CMSS1: variants seen among roughly 807,000 people sequenced by gnomAD.
The protein encoded by CMSS1 is cms1 ribosomal small subunit homolog, also known as protein CMSS1.
A neutral mutation model predicts 43.5 loss-of-function variants in CMSS1; 33 were observed. The ratio of observed to expected loss-of-function variants is 0.76; its 90% CI spans 0.57 to 1.01. CMSS1 has a LOEUF of 1.01. CMSS1 is among the 50% of genes least tolerant of loss of function. The pLI is 0.00. For missense variants in CMSS1, 313 were observed against 326.4 expected (o/e 0.96, Z 0.32); for synonymous variants, 115 against 117.2 (o/e 0.98, Z 0.12).
intron 1 of CMSS1, among the ~76,000 whole-genome samples, chr3:100,044,160 C>T (rs1006179850): frequency 6.6e-6 from 1 of 152,292 alleles, no homozygotes; most frequent in African/African-American, 2.4e-5. Context: ...ATCCTGTGAC[C>T]TTGAGCCAGT....
chr3:99,855,769 T>G (rs1203654709), intron 1 of CMSS1, among the ~76,000 whole-genome samples: 3 of 152,226 alleles, frequency 2.0e-5, no homozygotes, highest in African/African-American at 7.2e-5. Flanking sequence ...CAAAAGAATG[T>G]TGAAAAACTA....
intron 1 of CMSS1, among the ~76,000 whole-genome samples, chr3:100,095,418 T>A (rs1355040136): frequency 2.6e-5 from 4 of 152,130 alleles, no homozygotes; most frequent in African/African-American, 9.7e-5. Flanking sequence ...GAATATTTTT[T>A]AAAAACTATT....
In CMSS1 at chr3:100,014,110, A is replaced by G. The variant is rs554758726; in HGVS notation, c.65-132863A>G. On this transcript the variant is annotated intron_variant, in intron 1 of 9. Coordinates refer to ENST00000421999, the MANE Select transcript of CMSS1 (RefSeq NM_032359.4). ...TCCCTGGCTTATTTCATTTAACATA[A>G]TGTCCTCCAGGTTCATCCACATTGT... Among the ~76,000 whole-genome samples, 66 of 151,392 alleles carry G rather than the reference A, an allele frequency of 4.4e-4. No homozygotes were observed. The South Asian group carries it at 0.011, about 26-fold the overall frequency.
intron 1 of CMSS1, chr3:99,847,895 AG>A (rs1943440091): frequency 2.1e-6 from 2 of 965,438 alleles, no homozygotes; most frequent in Non-Finnish European, 2.5e-6. Flanking sequence ...AATATAACAC[AG>A]AATGACCAAA....
chr3:100,142,153 T>A (rs1483890973), intron 1 of CMSS1, among the ~76,000 whole-genome samples: 1 of 152,180 alleles, frequency 6.6e-6, no homozygotes, highest in East Asian at 1.9e-4. Context: ...AGTAACAGAT[T>A]TAGAGCATTT....
intron 1 of CMSS1, among the ~76,000 whole-genome samples, chr3:100,022,556 C>G (rs1275355946): frequency 6.6e-6 from 1 of 152,172 alleles, no homozygotes; most frequent in Non-Finnish European, 1.5e-5. Context: ...GTTTCAGACA[C>G]CCTTGGTTTA....
intron 1 of CMSS1, among the ~76,000 whole-genome samples, chr3:100,142,221 C>T (rs1288231455): frequency 6.6e-6 from 1 of 152,146 alleles, no homozygotes; most frequent in African/African-American, 2.4e-5. Context: ...TGCCACACAT[C>T]TTTAAAAATA....
At chr3:100,057,377 A>G (rs1159849933) in intron 1 of CMSS1, among the ~76,000 whole-genome samples, 1 of 152,206 alleles carries the variant, frequency 6.6e-6, no homozygotes, top group African/African-American at 2.4e-5. Context: ...AATACTCATT[A>G]TATCATCAAG....
At chr3:99,887,424 G>A (rs1705938580) in intron 1 of CMSS1, among the ~76,000 whole-genome samples, 1 of 152,204 alleles carries the variant, frequency 6.6e-6, no homozygotes, top group African/African-American at 2.4e-5. Flanking sequence ...TGGCTCTCAT[G>A]GAGCAGAGCT....
intron 1 of CMSS1, among the ~76,000 whole-genome samples, chr3:99,999,441 T>C (rs1709779765): frequency 6.6e-6 from 1 of 152,174 alleles, no homozygotes; most frequent in Admixed American, 6.5e-5. Context: ...TGGGAGGAAA[T>C]TGCAACAACT....
intron 1 of CMSS1, chr3:99,898,121 G>A (rs949788435): frequency 2.6e-5 from 4 of 152,052 alleles, no homozygotes; most frequent in Non-Finnish European, 4.4e-5. Context: ...TCAAAAGCAG[G>A]CAGGCTTGGT....
intron 1 of CMSS1, among the ~76,000 whole-genome samples, chr3:99,889,976 T>C (rs1411929052): frequency 6.6e-6 from 1 of 152,084 alleles, no homozygotes; most frequent in Admixed American, 6.5e-5. Context: ...TTTAACACTT[T>C]CTTCGCCTCT....
intron 1 of CMSS1, among the ~76,000 whole-genome samples, chr3:99,889,221 A>G (rs1284192848): frequency 6.6e-6 from 1 of 152,088 alleles, no homozygotes; most frequent in African/African-American, 2.4e-5. Flanking sequence ...TCCCACTGTG[A>G]TGATGGATTA....
At chr3:99,976,516 G>T (rs1317403591) in intron 1 of CMSS1, among the ~76,000 whole-genome samples, 2 of 152,104 alleles carry the variant, frequency 1.3e-5, no homozygotes, top group Non-Finnish European at 2.9e-5. Flanking sequence ...TCAGTAACTG[G>T]CAGTCTAGTC....
intron 1 of CMSS1, among the ~76,000 whole-genome samples, chr3:100,005,079 G>T (rs1310855744): frequency 1.3e-5 from 2 of 152,176 alleles, no homozygotes; most frequent in Non-Finnish European, 2.9e-5. Flanking sequence ...AGCCAGTAAA[G>T]GTTCAACTCT....
chr3:99,917,530 G>A (rs937783606), intron 1 of CMSS1, among the ~76,000 whole-genome samples: 1 of 152,064 alleles, frequency 6.6e-6, no homozygotes, highest in Non-Finnish European at 1.5e-5. Context: ...GGCTTGAGAG[G>A]CCTCACTTTT....
intron 1 of CMSS1, among the ~76,000 whole-genome samples, chr3:99,973,114 G>A (rs929594344): frequency 2.0e-5 from 3 of 152,168 alleles, no homozygotes; most frequent in African/African-American, 4.8e-5. Context: ...AGGGCAAAAT[G>A]AGGCCACCTG....
chr3:99,853,593 A>G (rs1301687909), intron 1 of CMSS1, among the ~76,000 whole-genome samples: 2 of 152,222 alleles, frequency 1.3e-5, no homozygotes, highest in South Asian at 2.1e-4. Flanking sequence ...GGCATGATGC[A>G]TATTTTTCAG....
intron 1 of CMSS1, among the ~76,000 whole-genome samples, chr3:99,818,702 A>G (rs1479903480): frequency 6.6e-6 from 1 of 152,364 alleles, no homozygotes; most frequent in East Asian, 1.9e-4. Flanking sequence ...GATGAGAAAC[A>G]TAACCTAAAG....
Sources: allele counts gnomAD v4.1 joint callset (sites outside exome capture counted in the v4.1 genomes callset), GRCh38; gene constraint gnomAD v4.1.1; transcripts MANE v1.5; gene names NCBI Gene and HGNC (gene_info 2026-07-23, HGNC 2026-07-21).